Variants in EAF2 observed in about 807,000 individuals in gnomAD.
The protein encoded by EAF2 is ELL associated factor 2, also known as ELL-associated factor 2.
A neutral mutation model predicts 29.4 loss-of-function variants in EAF2; 29 were observed. That is an observed-to-expected ratio of 0.99 (90% CI 0.73 to 1.35). EAF2 has a LOEUF of 1.35. EAF2 is among the 40% of genes most tolerant of loss of function. The probability of loss-of-function intolerance (pLI) is 0.00; values close to 1 mark genes in which losing one functional copy is unlikely to be tolerated. For synonymous variants in EAF2, 103 were observed against 102.5 expected, an observed-to-expected ratio of 1.00 and a Z score of -0.03; for missense variants, 292 against 312.0, an observed-to-expected ratio of 0.94 and a Z score of 0.48.
chr3:121,881,233 G>A (rs1709186501), intron 5 of EAF2, among the ~76,000 whole-genome samples: 1 of 152,166 alleles, frequency 6.6e-6, no homozygotes. Flanking sequence ...CATAGAATGA[G>A]TTTGGAAGAA....
At chr3:121,877,501 T>C (rs969909063) in intron 5 of EAF2, among the ~76,000 whole-genome samples, 1 of 151,938 alleles carries the variant, frequency 6.6e-6, no homozygotes, top group African/African-American at 2.4e-5. Context: ...AATTCACTTT[T>C]TAAATGAACA....
At chr3:121,863,247 C>A (rs1477248656) in intron 4 of EAF2, among the ~76,000 whole-genome samples, 1 of 152,216 alleles carries the variant, frequency 6.6e-6, no homozygotes, top group Non-Finnish European at 1.5e-5. Context: ...TTGAAGTCTG[C>A]AGAAGTTTCT....
chr3:121,863,428 G>T (rs958178578), intron 4 of EAF2, among the ~76,000 whole-genome samples: 2 of 152,186 alleles, frequency 1.3e-5, no homozygotes, highest in African/African-American at 4.8e-5. Context: ...CCTCACTGCT[G>T]CCTTGCAGTT....
chr3:121,872,223 A>G (rs77860459), intron 4 of EAF2, among the ~76,000 whole-genome samples: 1,545 of 151,986 alleles, frequency 0.01, 19 homozygotes, highest in African/African-American at 0.035. Context: ...CTGCCAAAAT[A>G]GATTTTAATT....
At chr3:121,850,836 A>C (rs1708619511) in intron 2 of EAF2, among the ~76,000 whole-genome samples, 1 of 152,006 alleles carries the variant, frequency 6.6e-6, no homozygotes, top group Admixed American at 6.6e-5. Flanking sequence ...AGCTGGGATT[A>C]CAGGCAGTGC....
intron 1 of EAF2, among the ~76,000 whole-genome samples, chr3:121,839,947 A>G (rs779882361): frequency 2.0e-5 from 3 of 152,144 alleles, no homozygotes; most frequent in Non-Finnish European, 4.4e-5. Context: ...TAATCCCAGC[A>G]CTTTGGGAGG....
chr3:121,854,762 C>A lies in EAF2; in HGVS notation c.277C>A (p.His93Asn). Residue 93 changes from histidine to asparagine, a missense_variant, in exon 3 of 6, where the codon CAT (histidine) becomes AAT (asparagine). His to Asn is a moderately conservative substitution (Grantham distance 68). Transcript: ENST00000273668. ...YLKECILIIN[H>N]DTGECRLEKL... Reference sequence around the variant, plus strand: ...AAAAGAATGCATTTTGATTATTAACCATGATACTGGAGAATGTCGGCTAGA... The same window carrying A: ...AAAAGAATGCATTTTGATTATTAACAATGATACTGGAGAATGTCGGCTAGA... 1 of 1,571,150 alleles carries A rather than the reference C, an allele frequency of 6.4e-7. No homozygotes were observed. The highest frequency in any genetic ancestry group is 8.6e-7 in the Non-Finnish European group (1 of 1,168,046).
intron 4 of EAF2, among the ~76,000 whole-genome samples, chr3:121,862,254 C>T (rs918926959): frequency 6.6e-6 from 1 of 152,276 alleles, no homozygotes; most frequent in East Asian, 1.9e-4. Context: ...TGGATAATAT[C>T]CTGAAGAGTG....
chr3:121,868,043 A>T (rs1708954320), intron 4 of EAF2, among the ~76,000 whole-genome samples: 1 of 152,234 alleles, frequency 6.6e-6, no homozygotes, highest in African/African-American at 2.4e-5. Context: ...CAGAGGAAGC[A>T]AACAGAAAAC....
At chr3:121,847,233 C>T (rs1356101349) in intron 2 of EAF2, among the ~76,000 whole-genome samples, 1 of 152,034 alleles carries the variant, frequency 6.6e-6, no homozygotes, top group Non-Finnish European at 1.5e-5. Context: ...ATGTAGAAAT[C>T]TAAGAACTAT....
intron 2 of EAF2, among the ~76,000 whole-genome samples, chr3:121,845,583 G>C (rs1297314070): frequency 1.3e-5 from 2 of 151,860 alleles, no homozygotes; most frequent in Non-Finnish European, 2.9e-5. Flanking sequence ...TATCCCATAG[G>C]TATTAAAAAA....
chr3:121,881,845 A>G (rs191610282), intron 5 of EAF2, among the ~76,000 whole-genome samples: 2 of 152,270 alleles, frequency 1.3e-5, no homozygotes, highest in Admixed American at 1.3e-4. Flanking sequence ...TTATTCCAGT[A>G]AATTTGACAT....
chr3:121,869,716 A>AT (rs1264587369), intron 4 of EAF2, among the ~76,000 whole-genome samples: 39 of 148,130 alleles, frequency 2.6e-4, no homozygotes, highest in African/African-American at 8.2e-4. Flanking sequence ...AAAAAAAAAA[A>AT]TTTTTTTTTT....
At position 121,886,329 on chromosome 3, in the gene EAF2, T is replaced by C; in HGVS notation, c.737-13T>C. 6.8e-7 allele frequency: 1 copy of C among 1,466,714 alleles called. No individual in the cohort carries two copies. The highest frequency in any genetic ancestry group is 9.1e-7 in the Non-Finnish European group (1 of 1,099,158). 90.9% of individuals were successfully genotyped at this position (1,466,714 alleles called of 1,614,324 possible). On this transcript the variant is annotated splice_polypyrimidine_tract_variant and intron_variant, in intron 5 of 5. Transcript: ENST00000273668. ...TTAATTACTACAGTTTTGTTATTTCTTTCTTATTTTAGGAAATGATTTGCA... is the reference window on the plus strand; with the variant it reads ...TTAATTACTACAGTTTTGTTATTTCCTTCTTATTTTAGGAAATGATTTGCA...
chr3:121,857,002 TAATTGCAGAGTTG>T lies in EAF2; in HGVS notation c.339-6_345del. 6.2e-7 allele frequency: 1 copy of T among 1,604,538 alleles called. No homozygotes were observed. Among genetic ancestry groups the T allele is most frequent in the Non-Finnish European group, 8.5e-7 (1 of 1,176,754 alleles). ...TACCTGTTTCAATATTTGATATTCTTAATTGCAGAGTTGAAGGAAGCAGTAAAATTCAGTATCG... is the reference window on the plus strand; with the variant it reads ...TACCTGTTTCAATATTTGATATTCTTAAGGAAGCAGTAAAATTCAGTATCG... On this transcript the variant is annotated splice_acceptor_variant and splice_polypyrimidine_tract_variant and coding_sequence_variant and intron_variant, in exon 4 of 6. Transcript: ENST00000273668. LOFTEE classifies it high-confidence loss of function.
At chr3:121,886,306 A>C in intron 5 of EAF2, 36 bp from the exon 6 acceptor site, 1 of 1,334,454 alleles carries the variant, frequency 7.5e-7, no homozygotes. Context: ...TTAAATATTT[A>C]ATTACTACAG....
intron 5 of EAF2, among the ~76,000 whole-genome samples, chr3:121,886,098 A>C (rs1206745917): frequency 6.6e-6 from 1 of 152,118 alleles, no homozygotes; most frequent in Admixed American, 6.6e-5. Context: ...AGTGATGGGG[A>C]TATGTGAAAG....
At chr3:121,868,365 G>A (rs111323093) in intron 4 of EAF2, among the ~76,000 whole-genome samples, 3,495 of 152,224 alleles carry the variant, frequency 0.023, 132 homozygotes, top group African/African-American at 0.08. Flanking sequence ...TTGGGAGGCC[G>A]AGGCAGGCAG....
chr3:121,845,005 G>A (rs149816421), intron 2 of EAF2, among the ~76,000 whole-genome samples: 105 of 152,278 alleles, frequency 6.9e-4, no homozygotes, highest in African/African-American at 2.4e-3. Flanking sequence ...CAATATTTCA[G>A]CTGAGCCTTT....
Sources: allele counts gnomAD v4.1 joint callset (sites outside exome capture counted in the v4.1 genomes callset), GRCh38; gene constraint gnomAD v4.1.1; transcripts MANE v1.5; gene names NCBI Gene and HGNC (gene_info 2026-07-23, HGNC 2026-07-21).